ZFAT: variants seen among roughly 807,000 people sequenced by gnomAD.
The protein encoded by ZFAT is zinc finger protein ZFAT.
ZFAT carries 64 observed loss-of-function variants against 117.7 expected under a neutral mutation model. That is an observed-to-expected ratio of 0.54 (90% confidence interval 0.44 to 0.67). The LOEUF is 0.67. Among genes scored for constraint, ZFAT ranks in the 30% least tolerant of loss-of-function variants. The pLI, the probability that ZFAT is intolerant of heterozygous loss-of-function variation, is 0.00. For missense variants in ZFAT, 1,433 were observed against 1,584.5 expected, an observed-to-expected ratio of 0.90 and a Z score of 1.62; for synonymous variants, 679 against 615.0, an observed-to-expected ratio of 1.10 and a Z score of -1.54.
chr8:134,557,228 T>G (rs944605614), intron 11 of ZFAT, among the ~76,000 whole-genome samples: 2 of 152,108 alleles, frequency 1.3e-5, no homozygotes, highest in Non-Finnish European at 2.9e-5. Flanking sequence ...AAAAGTATGG[T>G]TAAAAGGTCA....
intron 2 of ZFAT, among the ~76,000 whole-genome samples, chr8:134,643,295 T>C (rs1409538445): frequency 6.6e-6 from 1 of 152,224 alleles, no homozygotes; most frequent in African/African-American, 2.4e-5. Context: ...ACCCATGTCA[T>C]AGCAAGTCCT....
the ZFAT span, chr8:134,800,615 A>G: frequency 4.0e-6 from 2 of 506,172 alleles, no homozygotes; most frequent in Admixed American, 4.0e-5. Context: ...GGTTTAAAGC[A>G]GGACTTAAAC....
the ZFAT span, among the ~76,000 whole-genome samples, chr8:134,719,479 C>T: frequency 1.3e-5 from 2 of 152,158 alleles, no homozygotes; most frequent in South Asian, 2.1e-4. Flanking sequence ...AGCCAACATA[C>T]AGGGTGCTGT....
At chr8:134,710,528 C>A (rs1813955028) in intron 1 of ZFAT, among the ~76,000 whole-genome samples, 1 of 152,240 alleles carries the variant, frequency 6.6e-6, no homozygotes, top group Admixed American at 6.5e-5. Context: ...ATCTAAATTG[C>A]AATCCCCTAT....
chr8:134,748,497 A>C, the ZFAT span, among the ~76,000 whole-genome samples: 1 of 152,202 alleles, frequency 6.6e-6, no homozygotes, highest in Non-Finnish European at 1.5e-5. Context: ...ATACCATATC[A>C]TGGGCATTTT....
At position 134,509,677 on chromosome 8, in the gene ZFAT, G is replaced by A; in HGVS notation, c.3434C>T (p.Ala1145Val). ...GGCAACCACCGAGGCAAGGGCAGTG[G>A]CGTCATGGGTCTCGGCGCCCAGCTC... is the stretch of plus-strand genomic sequence containing the variant. ...IIELGAETHDATALASVVAMA... is the reference protein window; with the variant it reads ...IIELGAETHDVTALASVVAMA... Residue 1145 changes from alanine to valine, a missense_variant, in exon 15 of 16, where the codon GCC becomes GTC. Physicochemically the swap from Ala to Val is moderately conservative, Grantham distance 64. This residue lies in a region of ZFAT where 503 missense variants were observed against 543.4 expected (regional missense o/e 0.93). Transcript: ENST00000377838. 6.2e-7 allele frequency: 1 copy of A among 1,613,248 alleles called. No individual in the cohort carries two copies. The highest frequency in any genetic ancestry group is 1.1e-5 in the South Asian group (1 of 91,056).
At chr8:134,757,778 A>C in the ZFAT span, among the ~76,000 whole-genome samples, 1 of 152,072 alleles carries the variant, frequency 6.6e-6, no homozygotes, top group Non-Finnish European at 1.5e-5. Context: ...CTGGGGCTGG[A>C]GCTGCCAGTG....
At chr8:134,801,340 C>T in the ZFAT span, among the ~76,000 whole-genome samples, 1 of 152,138 alleles carries the variant, frequency 6.6e-6, no homozygotes, top group Non-Finnish European at 1.5e-5. Context: ...AATATATTCC[C>T]ACAAATATCT....
chr8:134,547,785 C>T (rs1173408306), intron 11 of ZFAT, among the ~76,000 whole-genome samples: 2 of 152,236 alleles, frequency 1.3e-5, no homozygotes, highest in African/African-American at 4.8e-5. Context: ...TGAACCTCTG[C>T]TGTGATCCTT....
At chr8:134,677,504 T>C (rs902247864) in intron 1 of ZFAT, among the ~76,000 whole-genome samples, 4 of 152,186 alleles carry the variant, frequency 2.6e-5, no homozygotes, top group African/African-American at 7.2e-5. Flanking sequence ...AGCCAAATTC[T>C]ACCAGAGGTA....
chr8:134,599,655 G>C, intron 7 of ZFAT: 1 of 407,546 alleles, frequency 2.5e-6, no homozygotes, highest in East Asian at 7.2e-5. Flanking sequence ...AACCATGGTA[G>C]CACATCAAAT....
intron 3 of ZFAT, among the ~76,000 whole-genome samples, chr8:134,631,526 G>C (rs1303261079): frequency 6.6e-6 from 1 of 152,166 alleles, no homozygotes; most frequent in Non-Finnish European, 1.5e-5. Context: ...TTAGAACTTA[G>C]GTCTAAAAGG....
intron 11 of ZFAT, among the ~76,000 whole-genome samples, chr8:134,550,369 C>G (rs1823066917): frequency 7.4e-6 from 1 of 134,924 alleles, no homozygotes; most frequent in Non-Finnish European, 1.6e-5. Flanking sequence ...AAATGCCAGG[C>G]CTTCATATCA....
At chr8:134,732,173 T>G in the ZFAT span, among the ~76,000 whole-genome samples, 8 of 152,250 alleles carry the variant, frequency 5.3e-5, no homozygotes, top group African/African-American at 1.9e-4. Flanking sequence ...CACTGGCTTC[T>G]GCTGCTGACA....
At chr8:134,539,049 A>C (rs1822053417) in intron 11 of ZFAT, among the ~76,000 whole-genome samples, 1 of 152,220 alleles carries the variant, frequency 6.6e-6, no homozygotes, top group Admixed American at 6.5e-5. Flanking sequence ...TTGGTTCTTT[A>C]AACAGAAAGA....
chr8:134,812,801 T>C, the ZFAT span, among the ~76,000 whole-genome samples: 1 of 152,244 alleles, frequency 6.6e-6, no homozygotes, highest in Non-Finnish European at 1.5e-5. Flanking sequence ...TGGTGCTTAC[T>C]ATCTCTGAGG....
chr8:134,736,601 T>C, the ZFAT span, among the ~76,000 whole-genome samples: 5 of 152,086 alleles, frequency 3.3e-5, no homozygotes, highest in Middle Eastern at 0.01. Context: ...TCTCTCTCCC[T>C]CTCTCTCTAC....
the ZFAT span, chr8:134,723,447 C>T: frequency 6.6e-6 from 1 of 152,554 alleles, no homozygotes; most frequent in Non-Finnish European, 1.5e-5. Context: ...CTCGCCTCAC[C>T]CCAGGCCTGC....
At chr8:134,758,918 C>T in the ZFAT span, among the ~76,000 whole-genome samples, 3 of 152,116 alleles carry the variant, frequency 2.0e-5, no homozygotes, top group Non-Finnish European at 4.4e-5. Flanking sequence ...ATGTGGTGCT[C>T]CACCTTTGGG....
Sources: gnomAD v4.1 joint callset for allele counts (sites outside exome capture counted in the v4.1 genomes callset) on GRCh38, gnomAD v4.1.1 for gene constraint, gnomAD v4.1.1 regional missense constraint, MANE v1.5 for transcripts, NCBI Gene and HGNC (gene_info 2026-07-23, HGNC 2026-07-21) for gene names.